Variants in PIEZO2 observed in about 807,000 individuals in gnomAD.
The protein encoded by PIEZO2 is piezo type mechanosensitive ion channel component 2, also known as piezo-type mechanosensitive ion channel component 2.
PIEZO2 carries 172 observed loss-of-function variants against 337.3 expected under a neutral mutation model. The observed-to-expected ratio is 0.51, with a 90% CI of 0.45 to 0.58. The LOEUF (loss-of-function observed/expected upper bound fraction) is 0.58, where lower values mean the gene tolerates loss of function less well. Among genes scored for constraint, PIEZO2 ranks in the 20% least tolerant of loss-of-function variants. The pLI, the probability that PIEZO2 is intolerant of heterozygous loss-of-function variation, is 0.00. For synonymous variants in PIEZO2, 1,251 were observed against 1,228.5 expected (o/e 1.02, Z -0.38); for missense variants, 3,028 against 3,391.3 (o/e 0.89, Z 2.66).
At position 10,978,838 on chromosome 18, in the gene PIEZO2, A is replaced by G. The variant is rs552306760; in HGVS notation, c.286+697T>C. Among the ~76,000 whole-genome samples, 14 of 152,330 alleles carry G rather than the reference A, an allele frequency of 9.2e-5. No individual in the cohort carries two copies. In the South Asian group the frequency reaches 1.2e-3, roughly 14 times the overall value. ...GAAAACATATGAATTGCTTTCACCT[A>G]CTTGACTGCTTCTGTTTTTTCAAGT... is the stretch of plus-strand genomic sequence containing the variant. On this transcript the variant is annotated intron_variant, in intron 3 of 55. Transcript: ENST00000674853.
intron 36 of PIEZO2, among the ~76,000 whole-genome samples, chr18:10,722,884 G>C (rs549656732): frequency 2.0e-5 from 3 of 151,928 alleles, no homozygotes; most frequent in African/African-American, 7.2e-5. Context: ...GACCAGCAAG[G>C]CATGAGAACT....
chr18:10,752,629 C>T lies in PIEZO2; in HGVS notation c.4167+7G>A, dbSNP rs904799808. The stretch of plus-strand genomic sequence containing the variant: ...CGCAAATGTGTTATGCAGTGGCAAC[C>T]ACTTACTGACAGGATATTTTTCATC... On this transcript the variant is annotated splice_region_variant and intron_variant, in intron 28 of 55. Coordinates refer to ENST00000674853, the MANE Select transcript of PIEZO2 (RefSeq NM_001378183.1). 6.5e-7 allele frequency: 1 copy of T among 1,536,714 alleles called. No homozygotes were observed. Among genetic ancestry groups the T allele is most frequent in the African/African-American group, 1.4e-5 (1 of 73,044 alleles).
Position 11,148,602 on chromosome 18 carries a change from C to A in PIEZO2, c.-14G>T. ...TTCTGAGGCCATCGCGTCGGTCCGGCGAGTCGGAGCAGAGGGGCGAGGCTC... is the reference window on the plus strand; with the variant it reads ...TTCTGAGGCCATCGCGTCGGTCCGGAGAGTCGGAGCAGAGGGGCGAGGCTC... On this transcript the variant is annotated 5_prime_UTR_variant, in exon 1 of 56. Coordinates refer to ENST00000674853, the MANE Select transcript of PIEZO2 (RefSeq NM_001378183.1). The surrounding 1 kb of genome is among the most constrained non-coding windows in gnomAD (Gnocchi z 5.2). 1.3e-6 allele frequency: 2 copies of A among 1,536,894 alleles called. No individual in the cohort carries two copies. Among genetic ancestry groups the A allele is most frequent in the Non-Finnish European group, 1.7e-6 (2 of 1,146,830 alleles).
chr18:10,703,584 C>A (rs917115718), intron 42 of PIEZO2, among the ~76,000 whole-genome samples: 1 of 152,162 alleles, frequency 6.6e-6, no homozygotes, highest in Non-Finnish European at 1.5e-5. Context: ...TTGAAAGTGA[C>A]AACTTTTCCT....
chr18:10,797,659 A>G, intron 11 of PIEZO2, 137 bp from the exon 12 acceptor site: 1 of 1,371,534 alleles, frequency 7.3e-7, no homozygotes, highest in Non-Finnish European at 9.6e-7. Flanking sequence ...CCATTCATAA[A>G]GCCCTTAAAA....
At chr18:11,075,786 CTTT>C (rs147029235) in intron 1 of PIEZO2, among the ~76,000 whole-genome samples, 47,886 of 124,348 alleles carry the variant, frequency 0.39, 7,361 homozygotes, top group East Asian at 0.55. Flanking sequence ...AGATATATTT[CTTT>C]TTTTTTTTTT....
At chr18:10,959,742 T>C (rs1465542484) in intron 3 of PIEZO2, among the ~76,000 whole-genome samples, 1 of 152,192 alleles carries the variant, frequency 6.6e-6, no homozygotes, top group East Asian at 1.9e-4. Flanking sequence ...AATTTATGGC[T>C]CTAATATAAC....
At position 10,939,468 on chromosome 18, in the gene PIEZO2, C is replaced by G. The variant is rs144832033; in HGVS notation, c.287-28240G>C. 1.0e-3 allele frequency among the ~76,000 whole-genome samples: 154 copies of G among 152,294 alleles called. 1 individual carries two copies. In the East Asian group the frequency reaches 0.026, roughly 26 times the overall value. On this transcript the variant is annotated intron_variant, in intron 3 of 55. Transcript: ENST00000674853. ...TTCTACTATAAAGACACATGCATAC[C>G]TGTGTGTATTGCAACACTATTTACA...
chr18:10,901,268 A>G (rs2043039437), intron 4 of PIEZO2, among the ~76,000 whole-genome samples: 4 of 152,196 alleles, frequency 2.6e-5, no homozygotes. Flanking sequence ...GAATTGCTGC[A>G]AATACTTCCA....
rs368872771 is a variant in PIEZO2 at position 10,979,555 on chromosome 18, C to T, written c.266G>A (p.Arg89His). 62 of 1,532,208 alleles carry T rather than the reference C, an allele frequency of 4.0e-5. No individual in the cohort carries two copies. The Admixed American group carries it at 5.3e-4, about 13-fold the overall frequency. The allele number at this position is 1,532,208 out of a possible 1,614,324, so 94.9% of individuals were successfully genotyped here. A position where few individuals can be genotyped will look rare whatever the true frequency, so the allele number is the denominator to read the frequency against. Reference sequence around the variant, plus strand: ...CTCACAGTTGTAGCCAGGTGCAATACGATGTTGAGCTTCAAGGCTCACCAA... The same window carrying T: ...CTCACAGTTGTAGCCAGGTGCAATATGATGTTGAGCTTCAAGGCTCACCAA... ...ITLVSLEAQH[R>H]IAPGYNCSTW... Residue 89 changes from arginine (R) to histidine (H), a missense_variant, in exon 3 of 56, where the codon CGT becomes CAT. Arg to His is a conservative substitution (Grantham distance 29). Around this residue, in one of 5 missense-constraint regions of PIEZO2, gnomAD observed 542 missense variants for 605.6 expected, o/e 0.89. Coordinates refer to ENST00000674853, the MANE Select transcript of PIEZO2 (RefSeq NM_001378183.1). The surrounding 1 kb of genome is among the most constrained non-coding windows in gnomAD (Gnocchi z 4.0).
chr18:10,958,453 G>A (rs1241753699), intron 3 of PIEZO2, among the ~76,000 whole-genome samples: 1 of 152,144 alleles, frequency 6.6e-6, no homozygotes, highest in East Asian at 1.9e-4. Context: ...TGAAGACTAA[G>A]TGTTTGCAAT....
intron 40 of PIEZO2, among the ~76,000 whole-genome samples, chr18:10,706,720 G>A (rs1261199818): frequency 4.6e-5 from 7 of 152,316 alleles, no homozygotes; most frequent in Non-Finnish European, 8.8e-5. Context: ...CAAGAGGGCA[G>A]CCAGTGACAT....
chr18:11,139,797 C>T (rs766788151), intron 1 of PIEZO2, among the ~76,000 whole-genome samples: 1 of 152,208 alleles, frequency 6.6e-6, no homozygotes, highest in South Asian at 2.1e-4. Flanking sequence ...ATTGAGGGAC[C>T]GTGACTCTTT....
At chr18:10,893,871 T>C (rs1648786288) in intron 4 of PIEZO2, among the ~76,000 whole-genome samples, 3 of 152,338 alleles carry the variant, frequency 2.0e-5, no homozygotes, top group South Asian at 2.1e-4. Context: ...GGCACTGTGA[T>C]GACCTTGCAG....
chr18:10,987,877 G>A (rs1322776836), intron 2 of PIEZO2, among the ~76,000 whole-genome samples: 1 of 151,998 alleles, frequency 6.6e-6, no homozygotes, highest in African/African-American at 2.4e-5. Context: ...AAAAGGCAAA[G>A]GACCTGAATA....
rs763769020 is a variant in PIEZO2 at position 10,837,645 on chromosome 18, A to T, written c.917+17708T>A. 6.6e-6 allele frequency among the ~76,000 whole-genome samples: 1 copy of T among 152,232 alleles called. No individual in the cohort carries two copies. The highest frequency in any genetic ancestry group is 1.5e-5 in the Non-Finnish European group (1 of 68,038). ...TGGACAGAACAGAATTAATTTTTAC[A>T]TATGAATGAAAACAAAGACATACCA... On this transcript the variant is annotated intron_variant, in intron 7 of 55. Coordinates refer to ENST00000674853, the MANE Select transcript of PIEZO2 (RefSeq NM_001378183.1). The surrounding 1 kb of genome is among the most constrained non-coding windows in gnomAD (Gnocchi z 4.4).
At chr18:10,725,026 C>T (rs2036474377) in intron 36 of PIEZO2, 3 of 1,585,648 alleles carry the variant, frequency 1.9e-6, no homozygotes, top group Non-Finnish European at 2.6e-6. Context: ...CAGCAAGAGC[C>T]CCTGCATGTT....
intron 1 of PIEZO2, among the ~76,000 whole-genome samples, chr18:11,122,615 T>C (rs1398376506): frequency 1.3e-5 from 2 of 152,222 alleles, no homozygotes; most frequent in Non-Finnish European, 2.9e-5. Context: ...AAAATCATTA[T>C]TCACAAGAAT....
At chr18:10,917,948 A>T (rs920240519) in intron 3 of PIEZO2, among the ~76,000 whole-genome samples, 2 of 152,154 alleles carry the variant, frequency 1.3e-5, no homozygotes, top group Admixed American at 1.3e-4. Flanking sequence ...AGGAGCCAAG[A>T]TTTTTTACCA....
Sources: allele counts gnomAD v4.1 joint callset (sites outside exome capture counted in the v4.1 genomes callset), GRCh38; gene constraint gnomAD v4.1.1; regional missense constraint gnomAD v4.1.1; non-coding constraint Gnocchi (gnomAD v3.1); transcripts MANE v1.5; gene names NCBI Gene and HGNC (gene_info 2026-07-23, HGNC 2026-07-21).